The following PRDX1 variants were observed in gnomAD, a reference collection of about 807,000 sequenced individuals.
The protein encoded by PRDX1 is peroxiredoxin-1.
PRDX1 carries 19 observed loss-of-function variants against 20.7 expected under a neutral mutation model. The ratio of observed to expected loss-of-function variants is 0.92; its 90% CI spans 0.64 to 1.35. The LOEUF (loss-of-function observed/expected upper bound fraction) is 1.35. Ranked by LOEUF, PRDX1 falls within the 40% of genes most tolerant of loss-of-function variation. The pLI is 0.00. For synonymous variants in PRDX1, 89 were observed against 83.9 expected, an observed-to-expected ratio of 1.06 and a Z score of -0.33; for missense variants, 226 against 240.0, an observed-to-expected ratio of 0.94 and a Z score of 0.38.
chr1:45,521,456 C>T (rs1223301929), intron 1 of PRDX1, among the ~76,000 whole-genome samples: 2 of 152,324 alleles, frequency 1.3e-5, no homozygotes, highest in South Asian at 2.1e-4. Context: ...CTTCTACAGC[C>T]ACGAGTCTGG....
chr1:45,522,653 TAA>T (rs1458045129), upstream of PRDX1: 2 of 152,182 alleles, frequency 1.3e-5, no homozygotes, highest in Non-Finnish European at 2.9e-5. Flanking sequence ...TGGAAACCTT[TAA>T]AGTATGTAGC....
chr1:45,520,670 G>A (rs1331545472), intron 1 of PRDX1, among the ~76,000 whole-genome samples: 1 of 144,548 alleles, frequency 6.9e-6, no homozygotes, highest in Non-Finnish European at 1.5e-5. Flanking sequence ...GCTGCAGTGA[G>A]CCGAGATCCA....
chr1:45,521,583 A>T (rs1183969393), intron 1 of PRDX1: 2 of 152,010 alleles, frequency 1.3e-5, no homozygotes, highest in African/African-American at 2.4e-5. Context: ...TTGCCGGGGG[A>T]AGACTCGACT....
chr1:45,517,926 CCAAA>C (rs1347560580), intron 2 of PRDX1, among the ~76,000 whole-genome samples: 3 of 146,872 alleles, frequency 2.0e-5, no homozygotes, highest in African/African-American at 7.5e-5. Context: ...TATACGTGAC[CCAAA>C]CAAACTGAAC....
intron 2 of PRDX1, among the ~76,000 whole-genome samples, chr1:45,517,312 CT>C (rs908257736): frequency 6.6e-6 from 1 of 152,188 alleles, no homozygotes; most frequent in Non-Finnish European, 1.5e-5. Context: ...CTACCAAAAA[CT>C]AACTCCAGGG....
At chr1:45,514,442 G>GT (rs1643819690) in intron 5 of PRDX1, 65 bp downstream of exon 5, 1 of 1,575,994 alleles carries the variant, frequency 6.3e-7, no homozygotes, top group African/African-American at 1.4e-5. Flanking sequence ...ACCCACAGGT[G>GT]TGAAGGGGCA....
In PRDX1 at chr1:45,514,617, T is replaced by C. The variant is rs1451528109; in HGVS notation, c.404A>G (p.Asp135Gly). ...AGTGATCTGCCGAAGAATACCCTTA[T>C]CATCAATGATAAAAAGGCCCCTGGG... ...ISFRGLFIID[D>G]KGILRQITVN... is the part of the protein sequence containing the mutation. Residue 135 changes from aspartate to glycine, a missense_variant, in exon 5 of 6, where the codon GAT becomes GGT. Physicochemically the swap from Asp to Gly is moderately conservative, Grantham distance 94. Transcript: ENST00000319248. 1.2e-6 allele frequency: 2 copies of C among 1,613,634 alleles called. No individual in the cohort carries two copies. The highest frequency in any genetic ancestry group is 1.7e-6 in the Non-Finnish European group (2 of 1,179,720).
chr1:45,520,113 G>A (rs945279226), intron 1 of PRDX1, among the ~76,000 whole-genome samples: 60 of 150,882 alleles, frequency 4.0e-4, no homozygotes, highest in Non-Finnish European at 5.7e-4. Context: ...GCTGAAGCAG[G>A]AGAATCACTT....
intron 5 of PRDX1, chr1:45,512,234 C>G (rs1004923906): frequency 1.3e-5 from 2 of 151,140 alleles, no homozygotes; most frequent in African/African-American, 2.4e-5. Context: ...TACAGGCGCC[C>G]ACCACCACAC....
chr1:45,521,889 G>A (rs899464753), upstream of PRDX1: 3 of 152,812 alleles, frequency 2.0e-5, no homozygotes, highest in South Asian at 4.1e-4. Flanking sequence ...AGACGCGCAA[G>A]AGCTCTCCGG....
chr1:45,512,867 A>G (rs1643780554), intron 5 of PRDX1: 2 of 152,204 alleles, frequency 1.3e-5, no homozygotes, highest in Non-Finnish European at 2.9e-5. Context: ...CTTGGTTATC[A>G]GTGCTCACTG....
chr1:45,515,080 A>G, intron 3 of PRDX1, 85 bp from the exon 4 acceptor site: 5 of 1,543,180 alleles, frequency 3.2e-6, no homozygotes, highest in Non-Finnish European at 4.4e-6. Flanking sequence ...CATATTCCTA[A>G]TCTAACTTTC....
intron 2 of PRDX1, 127 bp from the exon 3 acceptor site, chr1:45,515,934 G>T: frequency 1.1e-6 from 1 of 929,390 alleles, no homozygotes; most frequent in Non-Finnish European, 1.5e-6. Context: ...GCTCAATACA[G>T]ATGTCTCCTA....
In PRDX1 at chr1:45,512,533, C is replaced by CA. The variant is rs544265336; in HGVS notation, c.515-1120dup. The CA allele has an allele frequency of 4.7e-3, 662 of 140,590 alleles. 3 individuals carry two copies. Among genetic ancestry groups the CA allele is most frequent in the African/African-American group, 0.013 (519 of 38,576 alleles). The allele number at this position is 140,590 out of a possible 1,614,324, so 8.7% of individuals were successfully genotyped here. A position where few individuals can be genotyped will look rare whatever the true frequency, so the allele number is the denominator to read the frequency against. On this transcript the variant is annotated intron_variant, in intron 5 of 5. Transcript: ENST00000319248. ...TGGGCGACAAAACAAGACTCTGTCT[C>CA]AAAAAAAAAAAGTGTTTGGCATTCA...
chr1:45,516,292 A>C (rs1643861878), intron 2 of PRDX1, among the ~76,000 whole-genome samples: 1 of 152,248 alleles, frequency 6.6e-6, no homozygotes, highest in East Asian at 1.9e-4. Context: ...AGCATGGTTT[A>C]AGTGATCACA....
rs59260423 is a variant in PRDX1 at position 45,520,205 on chromosome 1, C to CAAAAAA, written c.-11-1157_-11-1152dup. On this transcript the variant is annotated intron_variant, in intron 1 of 5. Transcript: ENST00000319248. ...GGGCAACAGAGTGAGACTCTGTCTCCAAAAAAAAAAAAAAAAAAAAGAGGC... is the reference window on the plus strand; with the variant it reads ...GGGCAACAGAGTGAGACTCTGTCTCCAAAAAAAAAAAAAAAAAAAAAAAAAAGAGGC... Among the ~76,000 whole-genome samples the CAAAAAA allele has an allele frequency of 9.9e-5, 9 of 91,042 alleles. 1 individual carries two copies. The highest frequency in any genetic ancestry group is 3.6e-4 in the African/African-American group (8 of 21,952). The allele number at this position is 91,042 out of a possible 152,430, so 59.7% of individuals were successfully genotyped here.
intron 5 of PRDX1, chr1:45,512,091 T>G (rs1286073617): frequency 7.0e-6 from 1 of 142,948 alleles, no homozygotes; most frequent in Non-Finnish European, 1.5e-5. Flanking sequence ...TTTTTTTTTT[T>G]TTTTTGAGAT....
intron 2 of PRDX1, 106 bp downstream of exon 2, chr1:45,518,832 G>A (rs1643883652): frequency 9.9e-7 from 1 of 1,012,060 alleles, no homozygotes; most frequent in Non-Finnish European, 1.5e-6. Context: ...CTTCTTCCTA[G>A]GAGACAAAAC....
Position 45,511,272 on chromosome 1 carries a change from AAG to A in PRDX1, c.*55_*56del, listed in dbSNP as rs1287304657. 50 of 1,374,516 alleles carry A rather than the reference AAG, an allele frequency of 3.6e-5. No homozygotes were observed. The highest frequency in any genetic ancestry group is 4.7e-5 in the Non-Finnish European group (47 of 1,003,350). The allele number at this position is 1,374,516 out of a possible 1,614,324, so 85.1% of individuals were successfully genotyped here. On this transcript the variant is annotated 3_prime_UTR_variant, in exon 6 of 6. Transcript: ENST00000319248. ...TTACTAATGGAAAAAAAAAATACAG[AAG>A]AGGTTTTGTTCTCATGGCTGCCCAC...
Sources: gnomAD v4.1 joint callset for allele counts (sites outside exome capture counted in the v4.1 genomes callset) on GRCh38, gnomAD v4.1.1 for gene constraint, MANE v1.5 for transcripts, NCBI Gene and HGNC (gene_info 2026-07-23, HGNC 2026-07-21) for gene names.